The following STK33 variants were observed in gnomAD, a reference collection of about 807,000 sequenced individuals.
The protein encoded by STK33 is serine/threonine kinase 33.
STK33 carries 52 observed loss-of-function variants against 58.0 expected under a neutral mutation model. The observed-to-expected ratio is 0.90, with a 90% CI of 0.72 to 1.13. The LOEUF is 1.13. Ranked by LOEUF, STK33 falls within the 50% of genes most tolerant of loss-of-function variation. STK33 has a pLI of 0.00. For missense variants in STK33, 630 were observed against 604.2 expected, an observed-to-expected ratio of 1.04 and a Z score of -0.45; for synonymous variants, 215 against 200.1, an observed-to-expected ratio of 1.07 and a Z score of -0.63.
the STK33 span, among the ~76,000 whole-genome samples, chr11:8,356,346 A>C: frequency 9.2e-5 from 14 of 152,156 alleles, no homozygotes; most frequent in African/African-American, 3.4e-4. Flanking sequence ...CCTTAGGGGA[A>C]GGGGCTGTGG....
chr11:8,399,078 G>A (rs1386192656), intron 15 of STK33, among the ~76,000 whole-genome samples: 1 of 152,032 alleles, frequency 6.6e-6, no homozygotes, highest in Non-Finnish European at 1.5e-5. Context: ...AGTTAAAAAG[G>A]ATATCCAGGA....
chr11:8,433,336 A>G (rs1027331971), intron 14 of STK33, among the ~76,000 whole-genome samples: 2 of 152,222 alleles, frequency 1.3e-5, no homozygotes, highest in Non-Finnish European at 2.9e-5. Context: ...ATATCACTAT[A>G]TATTTATGTA....
intron 1 of STK33, among the ~76,000 whole-genome samples, chr11:8,500,332 A>AC (rs1159195821): frequency 4.4e-5 from 6 of 135,408 alleles, no homozygotes; most frequent in East Asian, 2.1e-4. Flanking sequence ...ACACAGAAAC[A>AC]CCCCCCAACA....
chr11:8,530,589 CA>C (rs1272051517), intron 1 of STK33, among the ~76,000 whole-genome samples: 6 of 151,824 alleles, frequency 4.0e-5, no homozygotes, highest in African/African-American at 1.5e-4. Flanking sequence ...AAACAGAAGA[CA>C]AGGAAGAGGA....
At chr11:8,445,192 G>C (rs1449542103) in intron 11 of STK33, among the ~76,000 whole-genome samples, 2 of 152,114 alleles carry the variant, frequency 1.3e-5, no homozygotes, top group Admixed American at 6.5e-5. Context: ...TCTGTTATTG[G>C]TGTCTAGGAA....
chr11:8,479,263 T>C (rs1949576176), intron 2 of STK33, among the ~76,000 whole-genome samples: 1 of 151,738 alleles, frequency 6.6e-6, no homozygotes, highest in South Asian at 2.1e-4. Context: ...AGAAACCCCA[T>C]CTCTACTAAA....
At chr11:8,455,811 A>C (rs1461777828) in intron 9 of STK33, among the ~76,000 whole-genome samples, 1 of 46,068 alleles carries the variant, frequency 2.2e-5, no homozygotes, top group Admixed American at 2.3e-4. Context: ...ACTCTGTCTC[A>C]AAAAAAAAAA....
intron 1 of STK33, among the ~76,000 whole-genome samples, chr11:8,558,970 A>T (rs911268816): frequency 2.0e-5 from 3 of 152,218 alleles, no homozygotes; most frequent in Non-Finnish European, 4.4e-5. Flanking sequence ...GAGCCCAATG[A>T]AATCACAAGA....
chr11:8,443,225 A>AG (rs1741694229), intron 11 of STK33, among the ~76,000 whole-genome samples: 1 of 152,240 alleles, frequency 6.6e-6, no homozygotes, highest in Admixed American at 6.5e-5. Context: ...ACAATATGGA[A>AG]GATCTGAATC....
At chr11:8,486,636 T>C (rs1450825407) in intron 1 of STK33, among the ~76,000 whole-genome samples, 1 of 152,212 alleles carries the variant, frequency 6.6e-6, no homozygotes, top group African/African-American at 2.4e-5. Context: ...ATGGTGTTTA[T>C]GTTGTTAGTC....
intron 1 of STK33, among the ~76,000 whole-genome samples, chr11:8,518,458 C>T (rs565984723): frequency 4.3e-4 from 65 of 152,310 alleles, no homozygotes; most frequent in African/African-American, 1.6e-3. Flanking sequence ...AACCAGCTAA[C>T]ATCATAATGA....
the STK33 span, among the ~76,000 whole-genome samples, chr11:8,345,327 C>T: frequency 1.3e-5 from 2 of 152,336 alleles, no homozygotes; most frequent in East Asian, 3.9e-4. Flanking sequence ...CTATTAAAGG[C>T]CAGGCTCTCT....
intron 1 of STK33, among the ~76,000 whole-genome samples, chr11:8,550,505 T>G (rs1591749842): frequency 6.6e-6 from 1 of 152,146 alleles, no homozygotes; most frequent in East Asian, 1.9e-4. Flanking sequence ...ATGCTTTGCT[T>G]CCCTTATAAA....
At chr11:8,419,923 T>G (rs1941669701) in intron 14 of STK33, among the ~76,000 whole-genome samples, 1 of 152,192 alleles carries the variant, frequency 6.6e-6, no homozygotes, top group Admixed American at 6.5e-5. Context: ...TTTCCCATTT[T>G]GTTTACTCAC....
At chr11:8,535,585 A>G (rs183817220) in intron 1 of STK33, among the ~76,000 whole-genome samples, 58 of 152,360 alleles carry the variant, frequency 3.8e-4, no homozygotes, top group Admixed American at 2.8e-3. Flanking sequence ...AAAAAATAAT[A>G]GATGTTGGCA....
At chr11:8,541,000 A>C (rs751968555) in intron 1 of STK33, among the ~76,000 whole-genome samples, 4,613 of 150,646 alleles carry the variant, frequency 0.031, 94 homozygotes, top group Non-Finnish European at 0.045. Context: ...CTCTCTATAT[A>C]TATATATATA....
At chr11:8,344,807 G>A in the STK33 span, among the ~76,000 whole-genome samples, 1 of 152,188 alleles carries the variant, frequency 6.6e-6, no homozygotes, top group South Asian at 2.1e-4. Flanking sequence ...TGGAGGTGGG[G>A]AGGCTCCGCT....
chr11:8,587,248 G>A (rs951257402), intron 1 of STK33, among the ~76,000 whole-genome samples: 2 of 152,080 alleles, frequency 1.3e-5, no homozygotes, highest in African/African-American at 4.8e-5. Context: ...TAGAAAATTT[G>A]AAAACATTTT....
intron 1 of STK33, among the ~76,000 whole-genome samples, chr11:8,494,649 G>C (rs1434968831): frequency 6.6e-6 from 1 of 152,138 alleles, no homozygotes; most frequent in Non-Finnish European, 1.5e-5. Flanking sequence ...ACAATCCTAA[G>C]CAAAAAGAAC....
Sources: gnomAD v4.1 joint callset for allele counts (sites outside exome capture counted in the v4.1 genomes callset) on GRCh38, gnomAD v4.1.1 for gene constraint, MANE v1.5 for transcripts, NCBI Gene and HGNC (gene_info 2026-07-23, HGNC 2026-07-21) for gene names.